Variants in HACD2 observed in about 807,000 individuals in gnomAD.
HACD2 encodes the protein very-long-chain (3R)-3-hydroxyacyl-CoA dehydratase 2.
A neutral mutation model predicts 31.0 loss-of-function variants in HACD2; 15 were observed. The observed-to-expected ratio is 0.48, with a 90% confidence interval of 0.32 to 0.75. The LOEUF (loss-of-function observed/expected upper bound fraction) is 0.75. Ranked by LOEUF, HACD2 falls within the 30% of genes least tolerant of loss-of-function variation. The pLI is 0.03. For synonymous variants in HACD2, 115 were observed against 122.2 expected (o/e 0.94, Z 0.39); for missense variants, 283 against 313.0 (o/e 0.90, Z 0.72).
Position 123,575,306 on chromosome 3 carries a change from G to A in HACD2, c.273+6906C>T, listed in dbSNP as rs1218793099. Among the ~76,000 whole-genome samples, 4 of 152,112 alleles carry A rather than the reference G, an allele frequency of 2.6e-5. No individual in the cohort carries two copies. In the East Asian group the frequency reaches 5.8e-4, roughly 22 times the overall value. On this transcript the variant is annotated intron_variant, in intron 2 of 6. Coordinates refer to ENST00000383657, the MANE Select transcript of HACD2 (RefSeq NM_198402.5). ...AATTTTTAAAATTTTTTGCAGAGGC[G>A]AGGTCTTGCTATATTGCCCAAGCTG...
At chr3:123,502,519 G>C (rs777530441) in intron 5 of HACD2, 41 bp downstream of exon 5, 2 of 1,596,536 alleles carry the variant, frequency 1.3e-6, no homozygotes, top group Non-Finnish European at 1.7e-6. Flanking sequence ...TTCAATGACA[G>C]ATCATTTCAA....
chr3:123,565,831 GA>G (rs1469280809), intron 3 of HACD2, among the ~76,000 whole-genome samples: 1 of 152,148 alleles, frequency 6.6e-6, no homozygotes, highest in Non-Finnish European at 1.5e-5. Context: ...AACCGTTTAT[GA>G]AAGGATAAAA....
intron 2 of HACD2, among the ~76,000 whole-genome samples, chr3:123,569,945 C>T (rs888171596): frequency 3.2e-5 from 4 of 126,866 alleles, no homozygotes; most frequent in South Asian, 2.6e-4. Context: ...GCCGAGATTG[C>T]GCCACTGCAC....
chr3:123,577,599 C>T (rs567655805), intron 2 of HACD2, among the ~76,000 whole-genome samples: 2 of 134,074 alleles, frequency 1.5e-5, no homozygotes, highest in South Asian at 4.7e-4. Context: ...CCAGCCTGGG[C>T]GATGGAGTGA....
intron 3 of HACD2, among the ~76,000 whole-genome samples, chr3:123,528,793 TA>T (rs959824124): frequency 2.0e-5 from 3 of 152,186 alleles, no homozygotes; most frequent in African/African-American, 7.2e-5. Flanking sequence ...AACCACTACC[TA>T]ATCTTTAAAA....
chr3:123,514,472 G>A lies in HACD2; in HGVS notation c.382-11791C>T, dbSNP rs180724371. On this transcript the variant is annotated intron_variant, in intron 4 of 6. Coordinates refer to ENST00000383657, the MANE Select transcript of HACD2 (RefSeq NM_198402.5). ...TAAGCAACCACTCCGGGGGTACAAT[G>A]AGAAGGAAATATAACTATTATCTGG... is the stretch of plus-strand genomic sequence containing the variant. 4.7e-3 allele frequency among the ~76,000 whole-genome samples: 717 copies of A among 152,288 alleles called. 7 individuals are homozygous for A. Among genetic ancestry groups the A allele is most frequent in the South Asian group, 0.012 (56 of 4,826 alleles).
intron 6 of HACD2, among the ~76,000 whole-genome samples, chr3:123,495,933 C>G (rs1427086620): frequency 6.6e-6 from 1 of 151,682 alleles, no homozygotes; most frequent in Non-Finnish European, 1.5e-5. Context: ...CTGGCCTTCA[C>G]AAGGTTACTG....
intron 4 of HACD2, among the ~76,000 whole-genome samples, chr3:123,522,866 C>T (rs1454798211): frequency 6.6e-6 from 1 of 152,126 alleles, no homozygotes; most frequent in Non-Finnish European, 1.5e-5. Flanking sequence ...GTGGAAAGGG[C>T]ACTGGGGCTA....
chr3:123,582,142 A>G (rs892557848), intron 2 of HACD2, 70 bp downstream of exon 2: 4 of 1,042,462 alleles, frequency 3.8e-6, no homozygotes, highest in African/African-American at 3.3e-5. Context: ...TGCTACTTCA[A>G]TATAATTTAG....
At position 123,582,218 on chromosome 3, in the gene HACD2, T is replaced by A. The variant is rs201451076; in HGVS notation, c.267A>T (p.Leu89Phe). The A allele has an allele frequency of 1.3e-6, 2 of 1,579,202 alleles. No homozygotes were observed. The highest frequency in any genetic ancestry group is 1.7e-6 in the Non-Finnish European group (2 of 1,162,236). ...KPLKFFQTGALLEILHCAIGI... is the reference protein window; with the variant it reads ...KPLKFFQTGAFLEILHCAIGI... ...AATAAATCTCAGGACCTACCTCCAA[T>A]AAGGCTCCAGTTTGAAAGAATTTCA... Residue 89 changes from leucine to phenylalanine, a missense_variant, in exon 2 of 7, where the codon TTA (leucine) becomes TTT (phenylalanine). By Grantham distance (22) the Leu-to-Phe change is conservative. Transcript: ENST00000383657.
At chr3:123,525,718 G>A (rs999398153) in intron 4 of HACD2, among the ~76,000 whole-genome samples, 2 of 152,084 alleles carry the variant, frequency 1.3e-5, no homozygotes, top group African/African-American at 4.8e-5. Context: ...CTTTAGAGGG[G>A]AATATGATAT....
At chr3:123,559,601 G>A (rs1248611964) in intron 3 of HACD2, among the ~76,000 whole-genome samples, 1 of 152,196 alleles carries the variant, frequency 6.6e-6, no homozygotes, top group Non-Finnish European at 1.5e-5. Context: ...GAAGGTGTCT[G>A]ACTTGTCAAA....
chr3:123,553,082 G>C lies in HACD2; in HGVS notation c.292+14680C>G, dbSNP rs1003115372. On this transcript the variant is annotated intron_variant, in intron 3 of 6. Coordinates refer to ENST00000383657, the MANE Select transcript of HACD2 (RefSeq NM_198402.5). ...TCTAATAACACTTTCAGAAACAAAAGAAGGCCCAAATCTACATACTGAAAG... is the reference window on the plus strand; with the variant it reads ...TCTAATAACACTTTCAGAAACAAAACAAGGCCCAAATCTACATACTGAAAG... 3.3e-5 allele frequency among the ~76,000 whole-genome samples: 5 copies of C among 152,098 alleles called. No homozygotes were observed. In the East Asian group the frequency reaches 9.6e-4, roughly 29 times the overall value.
Position 123,585,044 on chromosome 3 carries a change from C to T in HACD2, c.-17G>A. ...TGCCGCCATGTCAAGTGCCCGAAGC[C>T]CGCTCTCCTAGCGCGAGCGGCTCGG... On this transcript the variant is annotated 5_prime_UTR_variant, in exon 1 of 7. Transcript: ENST00000383657. The T allele has an allele frequency of 1.4e-6, 2 of 1,466,316 alleles. No homozygotes were observed. Among genetic ancestry groups the T allele is most frequent in the South Asian group, 1.4e-5 (1 of 73,678 alleles). 90.8% of individuals were successfully genotyped at this position (1,466,316 alleles called of 1,614,324 possible).
chr3:123,521,536 C>T (rs1008834782), intron 4 of HACD2, among the ~76,000 whole-genome samples: 1 of 151,140 alleles, frequency 6.6e-6, no homozygotes, highest in Non-Finnish European at 1.5e-5. Context: ...AATGTCCCTT[C>T]TTGCGTTAGA....
rs1398626340 is a variant in HACD2 at position 123,584,991 on chromosome 3, T to C, written c.37A>G (p.Asn13Asp). The C allele has an allele frequency of 2.0e-6, 3 of 1,495,330 alleles. No individual in the cohort carries two copies. The highest frequency in any genetic ancestry group is 1.4e-5 in the African/African-American group (1 of 69,380). 92.6% of individuals were successfully genotyped at this position (1,495,330 alleles called of 1,614,324 possible). Residue 13 changes from asparagine to aspartate, a missense_variant, in exon 1 of 7, where the codon AAT (asparagine) becomes GAT (aspartate). Physicochemically the swap from Asn to Asp is conservative, Grantham distance 23. This residue lies in a region of HACD2 where 158 missense variants were observed against 148.3 expected (regional missense o/e 1.07). Transcript: ENST00000383657. ...AVAATAAAKG[N>D]GGGGGRAGAG... The stretch of plus-strand genomic sequence containing the variant: ...CCGGCCCTGCCACCGCCGCCCCCAT[T>C]CCCCTTCGCTGCTGCAGTCGCCGCC...
At chr3:123,578,599 T>C (rs931585870) in intron 2 of HACD2, among the ~76,000 whole-genome samples, 4 of 152,228 alleles carry the variant, frequency 2.6e-5, no homozygotes, top group African/African-American at 7.2e-5. Context: ...TGCTACTACA[T>C]GCTCCTTTGT....
intron 3 of HACD2, among the ~76,000 whole-genome samples, chr3:123,545,269 G>T (rs1465339414): frequency 6.7e-6 from 1 of 150,240 alleles, no homozygotes; most frequent in African/African-American, 2.4e-5. Flanking sequence ...ATCACTTGAG[G>T]TCAGGAGTTT....
chr3:123,519,503 TG>T (rs1456112243), intron 4 of HACD2, among the ~76,000 whole-genome samples: 1 of 152,194 alleles, frequency 6.6e-6, no homozygotes, highest in African/African-American at 2.4e-5. Context: ...ACAGGAGTGA[TG>T]GGGGTAATTT....
Sources: allele counts gnomAD v4.1 joint callset (sites outside exome capture counted in the v4.1 genomes callset), GRCh38; gene constraint gnomAD v4.1.1; regional missense constraint gnomAD v4.1.1; transcripts MANE v1.5; gene names NCBI Gene and HGNC (gene_info 2026-07-23, HGNC 2026-07-21).